The following FAT1 variants were observed in gnomAD, a reference collection of about 807,000 sequenced individuals.
FAT1 encodes the protein FAT atypical cadherin 1.
A neutral mutation model predicts 329.8 loss-of-function variants in FAT1; 171 were observed. That is an observed-to-expected ratio of 0.52 (90% confidence interval 0.46 to 0.59). The LOEUF is 0.59. Ranked by LOEUF, FAT1 falls within the 20% of genes least tolerant of loss-of-function variation. The pLI is 0.00. For missense variants in FAT1, 5,672 were observed against 5,774.4 expected, an observed-to-expected ratio of 0.98 and a Z score of 0.57; for synonymous variants, 2,233 against 2,228.6, an observed-to-expected ratio of 1.00 and a Z score of -0.06.
chr4:186,627,675 A>G (rs328438), intron 9 of FAT1, among the ~76,000 whole-genome samples: 139,172 of 152,216 alleles, frequency 0.91, 63,833 homozygotes, highest in East Asian at 1. Flanking sequence ...GAGGGGCACG[A>G]CACCTCTTTC....
At chr4:186,666,002 C>G (rs1487526381) in intron 2 of FAT1, among the ~76,000 whole-genome samples, 1 of 125,210 alleles carries the variant, frequency 8.0e-6, no homozygotes, top group Non-Finnish European at 1.5e-5. Context: ...CACATGGACA[C>G]AGGGTGGGGA....
intron 1 of FAT1, among the ~76,000 whole-genome samples, chr4:186,710,351 C>T (rs370999959): frequency 8.5e-5 from 13 of 152,076 alleles, no homozygotes; most frequent in Non-Finnish European, 1.3e-4. Context: ...TTTTACATGG[C>T]GCTCCATAAG....
chr4:186,613,005 T>A (rs956481257), intron 13 of FAT1, 104 bp downstream of exon 13: 1 of 680,126 alleles, frequency 1.5e-6, no homozygotes, highest in Non-Finnish European at 2.6e-6. Flanking sequence ...GGAACATGCA[T>A]GAGGTGGAGT....
intron 13 of FAT1, 52 bp from the exon 14 acceptor site, chr4:186,611,827 CTTTT>C (rs753961493): frequency 8.5e-6 from 10 of 1,170,932 alleles, no homozygotes; most frequent in African/African-American, 3.2e-5. Context: ...AAGTTTAACA[CTTTT>C]TTTTTTTTTT....
Position 186,708,438 on chromosome 4 carries a change from T to C in FAT1, c.1390A>G (p.Thr464Ala). The C allele has an allele frequency of 6.2e-7, 1 of 1,614,030 alleles. No individual in the cohort carries two copies. The highest frequency in any genetic ancestry group is 1.1e-5 in the South Asian group (1 of 91,088). ...AAAGCAGCTTTGTACGCTGTCTGGG[T>C]AAATTCAGGGGGATTGCTATTTGCA... ...LGANSNPPEF[T>A]QTAYKAAFDE... The change falls in exon 2 of 27, where the codon ACC (threonine) becomes GCC (alanine). Residue 464 changes from threonine to alanine, a missense_variant. This residue lies in a region of FAT1 where 3,966 missense variants were observed against 3,915.2 expected (regional missense o/e 1.01). Transcript: ENST00000441802.
intron 3 of FAT1, among the ~76,000 whole-genome samples, chr4:186,648,088 CAA>C (rs34811037): frequency 1.3e-5 from 2 of 152,116 alleles, no homozygotes; most frequent in Non-Finnish European, 2.9e-5. Flanking sequence ...AATGTGTGCA[CAA>C]ACTCCTGTGC....
rs1744751027 is a variant in FAT1, at chr4:186,708,306, C to T, written c.1522G>A (p.Val508Met). ...VTYSIANLNH[V>M]PFAIDHFTGA... ...GTGAAATGGTCAATCGCAAACGGCA[C>T]ATGATTTAAATTTGCGATACTGTAT... Residue 508 changes from valine (V) to methionine (M), a missense_variant, in exon 2 of 27, where the codon GTG (valine) becomes ATG (methionine). Val to Met is a conservative substitution (Grantham distance 21, BLOSUM62 1). Around this residue, in one of 2 missense-constraint regions of FAT1, gnomAD observed 3,966 missense variants for 3,915.2 expected, o/e 1.01. Coordinates refer to ENST00000441802, the MANE Select transcript of FAT1 (RefSeq NM_005245.4). The T allele has an allele frequency of 6.2e-7, 1 of 1,613,836 alleles. No individual in the cohort carries two copies. Among genetic ancestry groups the T allele is most frequent in the Non-Finnish European group, 8.5e-7 (1 of 1,179,878 alleles).
At chr4:186,617,243 A>C in intron 10 of FAT1, 42 bp from the exon 11 acceptor site, 1 of 1,383,034 alleles carries the variant, frequency 7.2e-7, no homozygotes, top group Non-Finnish European at 9.9e-7. Context: ...AATTTGTTGA[A>C]AGGATAAAAA....
chr4:186,663,762 C>T, intron 2 of FAT1, 149 bp from the exon 3 acceptor site: 1 of 611,988 alleles, frequency 1.6e-6, no homozygotes, highest in South Asian at 2.2e-5. Context: ...CTTTCTGTGA[C>T]TCAGCTTCCT....
chr4:186,618,104 C>T lies in FAT1; in HGVS notation c.8482G>A (p.Val2828Ile), dbSNP rs754757646. The change falls in exon 10 of 27, where the codon GTA (valine) becomes ATA (isoleucine). Residue 2828 changes from valine to isoleucine, a missense_variant. This residue lies in a region of FAT1 where 3,966 missense variants were observed against 3,915.2 expected (regional missense o/e 1.01). Coordinates refer to ENST00000441802, the MANE Select transcript of FAT1 (RefSeq NM_005245.4). ...IVENLPGGSR[V>I]IQIRASDADS... The stretch of plus-strand genomic sequence containing the variant: ...GCATCAGATGCCCTGATCTGAATTA[C>T]TCTACTTCCCCCTGGCAGGTTTTCA... The T allele has an allele frequency of 1.2e-6, 2 of 1,614,046 alleles. No homozygotes were observed. The highest frequency in any genetic ancestry group is 2.2e-5 in the East Asian group (1 of 44,884).
In FAT1 at chr4:186,588,212, A is replaced by T. The variant is rs1020307078; in HGVS notation, c.*380T>A. 7 of 242,938 alleles carry T rather than the reference A, an allele frequency of 2.9e-5. No homozygotes were observed. Among genetic ancestry groups the T allele is most frequent in the Admixed American group, 1.5e-4 (3 of 19,646 alleles). 15.0% of individuals were successfully genotyped at this position (242,938 alleles called of 1,614,324 possible). ...AAACAAATGCACAAAATATCTTGGA[A>T]ATCTAGTTAAAACTATGAAAAATCA... On this transcript the variant is annotated 3_prime_UTR_variant, in exon 27 of 27. Coordinates refer to ENST00000441802, the MANE Select transcript of FAT1 (RefSeq NM_005245.4).
intron 26 of FAT1, chr4:186,590,370 C>A: frequency 7.8e-7 from 1 of 1,289,414 alleles, no homozygotes; most frequent in Non-Finnish European, 1.0e-6. Context: ...TAAGTCACCT[C>A]TTGGTTTGCT....
At chr4:186,614,601 T>C (rs1266520930) in intron 11 of FAT1, among the ~76,000 whole-genome samples, 1 of 152,216 alleles carries the variant, frequency 6.6e-6, no homozygotes, top group African/African-American at 2.4e-5. Flanking sequence ...TACAAAATGC[T>C]ATTATATGTT....
chr4:186,659,345 C>T (rs1742059365), intron 3 of FAT1, among the ~76,000 whole-genome samples: 1 of 152,182 alleles, frequency 6.6e-6, no homozygotes, highest in South Asian at 2.1e-4. Context: ...TAAACAAATG[C>T]TTTAAATGAT....
intron 26 of FAT1, chr4:186,590,451 A>G (rs1738186053): frequency 8.0e-7 from 1 of 1,246,896 alleles, no homozygotes; most frequent in Non-Finnish European, 1.1e-6. Flanking sequence ...TAATTAAAAC[A>G]GTCGGCTGAA....
intron 17 of FAT1, among the ~76,000 whole-genome samples, chr4:186,604,998 C>A (rs903667977): frequency 4.0e-5 from 6 of 151,860 alleles, no homozygotes; most frequent in East Asian, 3.9e-4. Context: ...GCGGGCGGAT[C>A]ACCTGAGGTC....
intron 3 of FAT1, among the ~76,000 whole-genome samples, chr4:186,655,778 C>T (rs889596783): frequency 5.9e-5 from 9 of 152,140 alleles, no homozygotes; most frequent in Non-Finnish European, 1.0e-4. Flanking sequence ...ATGGAAAAAC[C>T]CAAGATGCAT....
intron 2 of FAT1, 113 bp from the exon 3 acceptor site, chr4:186,663,726 G>GC: frequency 1.3e-6 from 1 of 779,104 alleles, no homozygotes. Context: ...CTTACTAGGT[G>GC]CATAACCTTG....
intron 2 of FAT1, among the ~76,000 whole-genome samples, chr4:186,703,647 A>T (rs1272031451): frequency 6.6e-6 from 1 of 152,218 alleles, no homozygotes; most frequent in Non-Finnish European, 1.5e-5. Context: ...AATGCCCCCG[A>T]GTTAGGCAAA....
Sources: allele counts gnomAD v4.1 joint callset (sites outside exome capture counted in the v4.1 genomes callset), GRCh38; gene constraint gnomAD v4.1.1; regional missense constraint gnomAD v4.1.1; transcripts MANE v1.5; gene names NCBI Gene and HGNC (gene_info 2026-07-23, HGNC 2026-07-21).